CELF4: variants seen among roughly 807,000 people sequenced by gnomAD.
The protein encoded by CELF4 is CUG-BP- and ETR-3-like factor 4.
Under a neutral mutation model 59.9 loss-of-function variants are expected in CELF4, and 18 were observed. The ratio of observed to expected loss-of-function variants is 0.30; its 90% CI spans 0.21 to 0.45. The LOEUF is 0.45. Among genes scored for constraint, CELF4 ranks in the 20% least tolerant of loss-of-function variants. The pLI, the probability that CELF4 is intolerant of heterozygous loss-of-function variation, is 1.00. For synonymous variants in CELF4, 261 were observed against 267.1 expected, an observed-to-expected ratio of 0.98 and a Z score of 0.22; for missense variants, 456 against 689.0, an observed-to-expected ratio of 0.66 and a Z score of 3.79.
chr18:37,545,074 C>T (rs796759675), intron 1 of CELF4, among the ~76,000 whole-genome samples: 4 of 152,300 alleles, frequency 2.6e-5, no homozygotes, highest in African/African-American at 9.6e-5. Context: ...GATTCTGATA[C>T]ATGTGTTCTG....
intron 2 of CELF4, among the ~76,000 whole-genome samples, chr18:37,387,111 C>T (rs997974417): frequency 6.6e-6 from 1 of 152,210 alleles, no homozygotes; most frequent in South Asian, 2.1e-4. Flanking sequence ...TTGATCCTTG[C>T]CCATGGTACA....
At chr18:37,320,248 A>C (rs2097054522) in intron 3 of CELF4, among the ~76,000 whole-genome samples, 1 of 149,188 alleles carries the variant, frequency 6.7e-6, no homozygotes, top group South Asian at 2.2e-4. Flanking sequence ...AGGCAGGAGA[A>C]TGGCGTGAAC....
At chr18:37,291,640 C>T (rs1294261395) in intron 3 of CELF4, among the ~76,000 whole-genome samples, 1 of 152,088 alleles carries the variant, frequency 6.6e-6, no homozygotes, top group Non-Finnish European at 1.5e-5. Flanking sequence ...CATGAGGCCA[C>T]GGGTTTTTAG....
chr18:37,260,722 C>G (rs1488194701), intron 10 of CELF4, among the ~76,000 whole-genome samples: 1 of 152,190 alleles, frequency 6.6e-6, no homozygotes, highest in Non-Finnish European at 1.5e-5. Context: ...CCATCTATCT[C>G]TATTCCCTCA....
chr18:37,434,187 T>C (rs1435384497), intron 2 of CELF4, among the ~76,000 whole-genome samples: 1 of 151,792 alleles, frequency 6.6e-6, no homozygotes, highest in Non-Finnish European at 1.5e-5. Context: ...AACTAATAGT[T>C]CAGAATAAAA....
At position 37,565,675 on chromosome 18, in the gene CELF4, C is replaced by T. The variant is rs574940372; in HGVS notation, c.-34G>A. 11 of 1,526,134 alleles carry T rather than the reference C, an allele frequency of 7.2e-6. No individual in the cohort carries two copies. In the African/African-American group the frequency reaches 1.3e-4, roughly 18 times the overall value. 94.5% of individuals were successfully genotyped at this position (1,526,134 alleles called of 1,614,324 possible). A position where few individuals can be genotyped will look rare whatever the true frequency, so the allele number is the denominator to read the frequency against. On this transcript the variant is annotated 5_prime_UTR_variant, in exon 1 of 13. Transcript: ENST00000420428. ...TCTTCTTTCCTTTTATTCTTTCTCG[C>T]TCACACTCTCTCGCTCCTCTCTCTC...
chr18:37,274,540 C>CCGCTCCT, intron 5 of CELF4, 86 bp from the exon 6 acceptor site: 1 of 1,598,760 alleles, frequency 6.3e-7, no homozygotes, highest in Non-Finnish European at 8.5e-7. Context: ...CCCACCCCGC[C>CCGCTCCT]CGCTCCTCGG....
intron 6 of CELF4, 74 bp from the exon 7 acceptor site, chr18:37,273,237 T>G: frequency 6.5e-7 from 1 of 1,543,680 alleles, no homozygotes; most frequent in Non-Finnish European, 8.8e-7. Flanking sequence ...CCTCAGCTCC[T>G]GGAGACCAAT....
chr18:37,327,686 A>G (rs1014191844), intron 2 of CELF4, among the ~76,000 whole-genome samples: 8 of 151,604 alleles, frequency 5.3e-5, no homozygotes, highest in African/African-American at 1.7e-4. Flanking sequence ...GGGGGGGTCC[A>G]CTCCTGCACT....
chr18:37,363,219 T>C (rs921175314), intron 2 of CELF4, among the ~76,000 whole-genome samples: 2 of 151,948 alleles, frequency 1.3e-5, no homozygotes, highest in Non-Finnish European at 2.9e-5. Flanking sequence ...AGGTGCTGAG[T>C]AGGCTTTCAT....
intron 2 of CELF4, among the ~76,000 whole-genome samples, chr18:37,397,165 T>C (rs1167442147): frequency 6.6e-6 from 1 of 152,226 alleles, no homozygotes; most frequent in Non-Finnish European, 1.5e-5. Context: ...CTGTCCTCTC[T>C]GCAGACACAA....
chr18:37,545,512 G>C (rs1048524053), intron 1 of CELF4, among the ~76,000 whole-genome samples: 7 of 152,158 alleles, frequency 4.6e-5, no homozygotes, highest in African/African-American at 1.7e-4. Flanking sequence ...GGAGATCGGT[G>C]TTTCTGGACA....
intron 2 of CELF4, among the ~76,000 whole-genome samples, chr18:37,375,281 C>G (rs1214675170): frequency 1.3e-5 from 2 of 152,168 alleles, no homozygotes; most frequent in African/African-American, 2.4e-5. Context: ...GGGAGGGGGG[C>G]ATTTACAAAA....
At chr18:37,268,094 C>T (rs1359574270) in intron 8 of CELF4, among the ~76,000 whole-genome samples, 1 of 152,152 alleles carries the variant, frequency 6.6e-6, no homozygotes, top group East Asian at 1.9e-4. Context: ...AAGCCTGGGG[C>T]AGAGGTCCCT....
chr18:37,483,515 C>T (rs1387911406), intron 2 of CELF4, among the ~76,000 whole-genome samples: 2 of 152,204 alleles, frequency 1.3e-5, no homozygotes, highest in African/African-American at 4.8e-5. Context: ...CTTCCCCCCT[C>T]CCCGTCCCAA....
At chr18:37,348,331 C>T (rs1054681827) in intron 2 of CELF4, among the ~76,000 whole-genome samples, 1 of 152,172 alleles carries the variant, frequency 6.6e-6, no homozygotes, top group African/African-American at 2.4e-5. Context: ...CAGAGCACTC[C>T]CAGCTTACCC....
At chr18:37,439,942 C>T (rs889032156) in intron 2 of CELF4, among the ~76,000 whole-genome samples, 1 of 152,166 alleles carries the variant, frequency 6.6e-6, no homozygotes, top group Non-Finnish European at 1.5e-5. Flanking sequence ...CTACAGGGTC[C>T]TGTCCTCAGA....
Position 37,366,396 on chromosome 18 carries a change from G to A in CELF4, c.370-44515C>T, listed in dbSNP as rs112918624. Among the ~76,000 whole-genome samples, 917 of 152,192 alleles carry A rather than the reference G, an allele frequency of 6.0e-3. 5 individuals are homozygous for A. The highest frequency in any genetic ancestry group is 0.01 in the Middle Eastern group (3 of 294). On this transcript the variant is annotated intron_variant, in intron 2 of 12. Transcript: ENST00000420428. ...CTTCTCATCTCCACTTGCCAACTCCGAACCTCACACAAGTCCCACTAGATG... is the reference window on the plus strand; with the variant it reads ...CTTCTCATCTCCACTTGCCAACTCCAAACCTCACACAAGTCCCACTAGATG...
At chr18:37,269,324 T>A (rs1786054) in intron 8 of CELF4, among the ~76,000 whole-genome samples, 1 of 151,970 alleles carries the variant, frequency 6.6e-6, no homozygotes, top group African/African-American at 2.4e-5. Context: ...GGAATGGGAT[T>A]AAGGAAAACT....
Sources: allele counts gnomAD v4.1 joint callset (sites outside exome capture counted in the v4.1 genomes callset), GRCh38; gene constraint gnomAD v4.1.1; transcripts MANE v1.5; gene names NCBI Gene and HGNC (gene_info 2026-07-23, HGNC 2026-07-21).